NUP210L: variants seen among roughly 807,000 people sequenced by gnomAD.
NUP210L encodes nucleoporin 210 like, also known as nuclear pore membrane glycoprotein 210-like.
In NUP210L, 74 loss-of-function variants were observed where a neutral mutation model predicts 208.5. The observed-to-expected ratio is 0.35, with a 90% CI of 0.29 to 0.43. The LOEUF is 0.43. Among genes scored for constraint, NUP210L ranks in the 20% least tolerant of loss-of-function variants. The pLI is 1.00. For missense variants in NUP210L, 1,843 were observed against 2,289.4 expected, an observed-to-expected ratio of 0.81 and a Z score of 3.98; for synonymous variants, 780 against 816.9, an observed-to-expected ratio of 0.95 and a Z score of 0.77.
chr1:154,012,461 G>T, intron 33 of NUP210L, 91 bp from the exon 34 acceptor site: 1 of 1,256,864 alleles, frequency 8.0e-7, no homozygotes, highest in Non-Finnish European at 1.1e-6. Context: ...TTAACCAAAA[G>T]TATCTGTTTC....
At chr1:154,004,638 C>T (rs971912753) in intron 35 of NUP210L, among the ~76,000 whole-genome samples, 1 of 151,452 alleles carries the variant, frequency 6.6e-6, no homozygotes. Context: ...TTACCATGCC[C>T]TGCCGTTATT....
chr1:154,017,676 C>T (rs1336875281), intron 33 of NUP210L, among the ~76,000 whole-genome samples: 2 of 151,734 alleles, frequency 1.3e-5, no homozygotes, highest in African/African-American at 2.4e-5. Context: ...GCCACCACGC[C>T]CAGCTAATTT....
chr1:154,148,276 A>G (rs1659219390), intron 2 of NUP210L, among the ~76,000 whole-genome samples: 1 of 151,684 alleles, frequency 6.6e-6, no homozygotes. Context: ...CAGAAAAAAA[A>G]AAAAGCATCA....
chr1:154,009,945 A>G, intron 35 of NUP210L, 27 bp downstream of exon 35: 1 of 1,576,696 alleles, frequency 6.3e-7, no homozygotes, highest in Non-Finnish European at 8.6e-7. Context: ...CAGAATGGGG[A>G]AACCAGATTC....
At chr1:154,088,626 C>A (rs1333018985) in intron 16 of NUP210L, among the ~76,000 whole-genome samples, 1 of 152,112 alleles carries the variant, frequency 6.6e-6, no homozygotes, top group Non-Finnish European at 1.5e-5. Flanking sequence ...CCTGTAACAT[C>A]CCATACTGTT....
chr1:153,996,704 A>C (rs1014282488), intron 37 of NUP210L, among the ~76,000 whole-genome samples: 2 of 152,134 alleles, frequency 1.3e-5, no homozygotes, highest in Non-Finnish European at 2.9e-5. Context: ...TACAGGCATG[A>C]GCCGCTGCAC....
chr1:154,081,892 A>G (rs945894874), intron 16 of NUP210L, among the ~76,000 whole-genome samples: 9 of 152,110 alleles, frequency 5.9e-5, no homozygotes, highest in Non-Finnish European at 1.3e-4. Flanking sequence ...CTGAGGTGGG[A>G]GGATCACTTA....
intron 17 of NUP210L, among the ~76,000 whole-genome samples, chr1:154,067,130 G>C (rs1361691797): frequency 6.6e-6 from 1 of 152,070 alleles, no homozygotes; most frequent in Non-Finnish European, 1.5e-5. Context: ...GCCTGGCAGA[G>C]ACACAACAAA....
At chr1:154,037,351 A>G (rs915679987) in intron 27 of NUP210L, among the ~76,000 whole-genome samples, 1 of 152,160 alleles carries the variant, frequency 6.6e-6, no homozygotes, top group Admixed American at 6.6e-5. Context: ...TGCTTTATAT[A>G]TCTGGGTACT....
intron 25 of NUP210L, among the ~76,000 whole-genome samples, chr1:154,051,331 T>G (rs1653487385): frequency 6.6e-6 from 1 of 152,100 alleles, no homozygotes; most frequent in African/African-American, 2.4e-5. Flanking sequence ...TGCCTCAGCC[T>G]CCCAAGTAGC....
chr1:154,013,618 CA>C (rs1028495966), intron 33 of NUP210L, among the ~76,000 whole-genome samples: 4 of 151,596 alleles, frequency 2.6e-5, no homozygotes, highest in African/African-American at 9.7e-5. Flanking sequence ...AAAAAACACA[CA>C]AAAAAAACAA....
chr1:154,073,172 T>A (rs1302836395), intron 16 of NUP210L, among the ~76,000 whole-genome samples: 2 of 151,998 alleles, frequency 1.3e-5, no homozygotes, highest in African/African-American at 2.4e-5. Flanking sequence ...TATGAAAAAA[T>A]GCTCAGCATC....
At chr1:154,002,650 A>G (rs1388099846) in intron 35 of NUP210L, among the ~76,000 whole-genome samples, 3 of 152,052 alleles carry the variant, frequency 2.0e-5, no homozygotes. Context: ...TTTTTTATAG[A>G]GAAGGGACTT....
chr1:154,008,279 A>G lies in NUP210L; in HGVS notation c.4930+1693T>C, dbSNP rs138999207. ...AAAAGTTAAAAGCTTTAGGCTGGACATGGTGGTTCATGCCTATAATCCCAG... is the reference window on the plus strand; with the variant it reads ...AAAAGTTAAAAGCTTTAGGCTGGACGTGGTGGTTCATGCCTATAATCCCAG... On this transcript the variant is annotated intron_variant, in intron 35 of 39. Transcript: ENST00000368559. Among the ~76,000 whole-genome samples, 1,071 of 149,518 alleles carry G rather than the reference A, an allele frequency of 7.2e-3. 7 individuals are homozygous for G. The highest frequency in any genetic ancestry group is 0.011 in the Non-Finnish European group (738 of 67,442).
intron 17 of NUP210L, among the ~76,000 whole-genome samples, chr1:154,068,008 T>C (rs1661742661): frequency 6.6e-6 from 1 of 152,106 alleles, no homozygotes; most frequent in Non-Finnish European, 1.5e-5. Flanking sequence ...ATCATGAAAA[T>C]GGCCATAGTG....
At chr1:154,094,647 G>A (rs1216222167) in intron 15 of NUP210L, among the ~76,000 whole-genome samples, 5 of 152,112 alleles carry the variant, frequency 3.3e-5, no homozygotes, top group Non-Finnish European at 7.4e-5. Context: ...ACAAGGAAGT[G>A]AATTATAATG....
intron 2 of NUP210L, among the ~76,000 whole-genome samples, chr1:154,143,881 T>G (rs1658979608): frequency 6.6e-6 from 1 of 152,050 alleles, no homozygotes; most frequent in Admixed American, 6.6e-5. Flanking sequence ...AAATAAAAAT[T>G]TTAAAATAGC....
At chr1:154,141,205 G>C (rs1247398423) in intron 4 of NUP210L, among the ~76,000 whole-genome samples, 1 of 152,088 alleles carries the variant, frequency 6.6e-6, no homozygotes, top group Non-Finnish European at 1.5e-5. Flanking sequence ...GTAGTACTTA[G>C]CCCATGAACT....
intron 28 of NUP210L, among the ~76,000 whole-genome samples, chr1:154,028,636 A>T (rs1416371408): frequency 6.6e-6 from 1 of 152,102 alleles, no homozygotes; most frequent in Non-Finnish European, 1.5e-5. Context: ...TATAATATCT[A>T]TGTCAGGTGG....
Sources: gnomAD v4.1 joint callset for allele counts (sites outside exome capture counted in the v4.1 genomes callset) on GRCh38, gnomAD v4.1.1 for gene constraint, MANE v1.5 for transcripts, NCBI Gene and HGNC (gene_info 2026-07-23, HGNC 2026-07-21) for gene names.